Variants in PLCZ1 observed in about 807,000 individuals in gnomAD.
The protein encoded by PLCZ1 is phospholipase C zeta 1, also known as 1-phosphatidylinositol 4,5-bisphosphate phosphodiesterase zeta-1.
In PLCZ1, 64 loss-of-function variants were observed where a neutral mutation model predicts 76.8. The observed-to-expected ratio is 0.83, with a 90% CI of 0.68 to 1.03. The LOEUF is 1.03. Among genes scored for constraint, PLCZ1 ranks in the 50% least tolerant of loss-of-function variants. The pLI is 0.00. For synonymous variants in PLCZ1, 248 were observed against 230.8 expected, an observed-to-expected ratio of 1.07 and a Z score of -0.68; for missense variants, 751 against 713.7, an observed-to-expected ratio of 1.05 and a Z score of -0.60.
chr12:18,668,384 G>A, the PLCZ1 span, among the ~76,000 whole-genome samples: 1 of 152,098 alleles, frequency 6.6e-6, no homozygotes, highest in African/African-American at 2.4e-5. Flanking sequence ...GGTGATTAAG[G>A]GAAAATTTGT....
chr12:18,730,830 A>G (rs1592288661), intron 3 of PLCZ1, among the ~76,000 whole-genome samples: 1 of 152,290 alleles, frequency 6.6e-6, no homozygotes, highest in Non-Finnish European at 1.5e-5. Context: ...ATATATTACT[A>G]TTTTTATTTT....
intron 10 of PLCZ1, among the ~76,000 whole-genome samples, chr12:18,698,804 T>C (rs1185861558): frequency 6.6e-6 from 1 of 152,212 alleles, no homozygotes; most frequent in African/African-American, 2.4e-5. Flanking sequence ...CTTTTAGTTA[T>C]TTTTAAATGT....
the PLCZ1 span, among the ~76,000 whole-genome samples, chr12:18,650,459 G>A: frequency 6.8e-6 from 1 of 146,892 alleles, no homozygotes; most frequent in South Asian, 2.2e-4. Flanking sequence ...TCAAATTACT[G>A]AAAAAATGTA....
chr12:18,719,729 C>A lies in PLCZ1; in HGVS notation c.368-97G>T, dbSNP rs1367789448. ...CTTGTAAACTTACTCAGTAGTAGAG[C>A]ATATTTCTAAAATATTCCTTTAGAA... is the stretch of plus-strand genomic sequence containing the variant. On this transcript the variant is annotated intron_variant, in intron 4 of 14. Transcript: ENST00000266505. 5 of 767,430 alleles carry A rather than the reference C, an allele frequency of 6.5e-6. No homozygotes were observed. The South Asian group carries it at 1.1e-4, about 18-fold the overall frequency. 47.5% of individuals were successfully genotyped at this position (767,430 alleles called of 1,614,324 possible).
At chr12:18,704,619 A>T (rs898111030) in intron 7 of PLCZ1, among the ~76,000 whole-genome samples, 4 of 151,960 alleles carry the variant, frequency 2.6e-5, no homozygotes, top group Non-Finnish European at 5.9e-5. Flanking sequence ...GAGTCACTGC[A>T]CCGGGCCATA....
chr12:18,717,302 C>T (rs377425395), intron 5 of PLCZ1, among the ~76,000 whole-genome samples: 25 of 151,992 alleles, frequency 1.6e-4, no homozygotes, highest in East Asian at 1.5e-3. Context: ...ATAAATTGGG[C>T]TGTCTTTACA....
At position 18,703,080 on chromosome 12, in the gene PLCZ1, G is replaced by C. The variant is rs542651480; in HGVS notation, c.865-1304C>G. On this transcript the variant is annotated intron_variant, in intron 7 of 14. Transcript: ENST00000266505. ...TAGAAAAATAGATTCATATATAATA[G>C]GAAGCGGGATTCTCTTCCAAGAAAG... 3.3e-5 allele frequency among the ~76,000 whole-genome samples: 5 copies of C among 152,192 alleles called. No homozygotes were observed. The South Asian group carries it at 8.3e-4, about 25-fold the overall frequency.
At chr12:18,652,086 A>G in the PLCZ1 span, among the ~76,000 whole-genome samples, 2 of 152,170 alleles carry the variant, frequency 1.3e-5, no homozygotes, top group African/African-American at 4.8e-5. Context: ...TCTGAGTATT[A>G]TGGACTAAAT....
intron 1 of PLCZ1, 75 bp downstream of exon 1, chr12:18,737,857 A>C (rs1959587986): frequency 3.6e-6 from 1 of 280,196 alleles, no homozygotes; most frequent in African/African-American, 2.2e-5. Flanking sequence ...CTGAAGTTGC[A>C]AAGTGCTGTC....
intron 3 of PLCZ1, among the ~76,000 whole-genome samples, chr12:18,733,448 G>A (rs914384201): frequency 2.0e-5 from 3 of 152,006 alleles, no homozygotes; most frequent in Non-Finnish European, 4.4e-5. Context: ...TAGCCACTTT[G>A]TTTCATGTAA....
At chr12:18,705,714 A>T (rs1441514845) in intron 6 of PLCZ1, among the ~76,000 whole-genome samples, 1 of 150,606 alleles carries the variant, frequency 6.6e-6, no homozygotes, top group Non-Finnish European at 1.5e-5. Flanking sequence ...AAAATCACAA[A>T]AATTAGCCAG....
downstream of PLCZ1, among the ~76,000 whole-genome samples, chr12:18,680,557 T>C (rs927519587): frequency 6.6e-6 from 1 of 152,010 alleles, no homozygotes; most frequent in African/African-American, 2.4e-5. Flanking sequence ...CATCTTCTAT[T>C]TGAGACCCTA....
At chr12:18,726,940 G>A (rs1313150323) in intron 3 of PLCZ1, among the ~76,000 whole-genome samples, 2 of 151,890 alleles carry the variant, frequency 1.3e-5, no homozygotes, top group South Asian at 2.1e-4. Flanking sequence ...AAATATATGA[G>A]TCAGATACTA....
intron 5 of PLCZ1, 60 bp from the exon 6 acceptor site, chr12:18,713,046 G>A: frequency 6.3e-7 from 1 of 1,585,986 alleles, no homozygotes; most frequent in Non-Finnish European, 8.6e-7. Flanking sequence ...ATATACCAAA[G>A]TATTAAAATA....
Position 18,694,974 on chromosome 12 carries a change from T to A in PLCZ1, c.1397A>T (p.Glu466Val). ...ACTTGGGTTAAAGTATGATTTACTC[T>A]CTCTTAAGAAATGTGGTTTCAAAAT... is the stretch of plus-strand genomic sequence containing the variant. ...GYILKPHFLR[E>V]SKSYFNPSNI... Residue 466 changes from glutamate (E) to valine (V), a missense_variant, in exon 12 of 15, where the codon GAG (glutamate) becomes GTG (valine). Glu to Val is a moderately radical substitution (Grantham distance 121, BLOSUM62 -2). Coordinates refer to ENST00000266505, the MANE Select transcript of PLCZ1 (RefSeq NM_033123.4). 3.1e-6 allele frequency: 5 copies of A among 1,608,484 alleles called. No homozygotes were observed. The highest frequency in any genetic ancestry group is 4.3e-6 in the Non-Finnish European group (5 of 1,175,386).
chr12:18,684,317 TA>T, intron 13 of PLCZ1, 38 bp from the exon 14 acceptor site: 1 of 1,544,566 alleles, frequency 6.5e-7, no homozygotes, highest in Non-Finnish European at 8.9e-7. Context: ...GAATAATAGA[TA>T]CCATATCTAG....
chr12:18,720,191 T>C (rs1048573284), intron 4 of PLCZ1, among the ~76,000 whole-genome samples: 1 of 152,136 alleles, frequency 6.6e-6, no homozygotes, highest in East Asian at 1.9e-4. Context: ...GTTATAGTTA[T>C]ACATTGCTCA....
Position 18,723,447 on chromosome 12 carries a change from GA to G in PLCZ1, c.230del (p.Phe77SerfsTer12). ...TTTTCCGGTTTTCAGAATATGTGTT[GA>G]AAATCTCAATAATTTCTTCTCTGTG... ...ITHREEIIEI[F>X]NTYSENRKIL... On this transcript the variant is annotated frameshift_variant, in exon 4 of 15. Transcript: ENST00000266505. LOFTEE classifies it high-confidence loss of function. The G allele has an allele frequency of 6.2e-7, 1 of 1,612,922 alleles. No individual in the cohort carries two copies. The highest frequency in any genetic ancestry group is 8.5e-7 in the Non-Finnish European group (1 of 1,179,394).
chr12:18,717,863 T>TA (rs1259003159), intron 5 of PLCZ1, among the ~76,000 whole-genome samples: 2 of 152,130 alleles, frequency 1.3e-5, no homozygotes, highest in Non-Finnish European at 2.9e-5. Context: ...GCAAAGAAAA[T>TA]ACGCATTCAG....
Sources: allele counts gnomAD v4.1 joint callset (sites outside exome capture counted in the v4.1 genomes callset), GRCh38; gene constraint gnomAD v4.1.1; transcripts MANE v1.5; gene names NCBI Gene and HGNC (gene_info 2026-07-23, HGNC 2026-07-21).